Variants in VPS13D observed in about 807,000 individuals in gnomAD.
The protein encoded by VPS13D is vacuolar protein sorting 13 homolog D, also known as intermembrane lipid transfer protein VPS13D.
A neutral mutation model predicts 461.9 loss-of-function variants in VPS13D; 187 were observed. The ratio of observed to expected loss-of-function variants is 0.40; its 90% CI spans 0.36 to 0.46. The LOEUF is 0.46. Among genes scored for constraint, VPS13D ranks in the 20% least tolerant of loss-of-function variants. The pLI, the probability that VPS13D is intolerant of heterozygous loss-of-function variation, is 0.60. For missense variants in VPS13D, 4,711 were observed against 5,364.9 expected, an observed-to-expected ratio of 0.88 and a Z score of 3.81; for synonymous variants, 1,951 against 1,986.3, an observed-to-expected ratio of 0.98 and a Z score of 0.47.
chr1:12,258,937 T>C (rs1641010765), intron 10 of VPS13D, among the ~76,000 whole-genome samples: 1 of 152,228 alleles, frequency 6.6e-6, no homozygotes. Flanking sequence ...TTCACTTTGC[T>C]AATGCTTTTA....
In VPS13D at chr1:12,363,183, C is replaced by T. The variant is rs748513178; in HGVS notation, c.10384C>T (p.Pro3462Ser). The T allele has an allele frequency of 6.8e-6, 11 of 1,614,194 alleles. 1 individual carries two copies. The Middle Eastern group carries it at 1.3e-3, about 194-fold the overall frequency. ...QLLCVRLMDV[P>S]NCIWSGGFEV... is the part of the protein sequence containing the mutation. ...ATTGTGTGTCAGACTGATGGACGTT[C>T]CCAATTGTATTTGGTCTGGAGGCTT... Residue 3462 changes from proline (P) to serine (S), a missense_variant, in exon 52 of 70, where the codon CCC becomes TCC. Pro to Ser is a moderately conservative substitution (Grantham distance 74). Around this residue, in one of 3 missense-constraint regions of VPS13D, gnomAD observed 4,411 missense variants for 4,937.8 expected, o/e 0.89. Coordinates refer to ENST00000620676, the MANE Select transcript of VPS13D (RefSeq NM_015378.4).
chr1:12,260,171 G>A (rs965518327), intron 10 of VPS13D, among the ~76,000 whole-genome samples: 6 of 151,686 alleles, frequency 4.0e-5, no homozygotes, highest in Admixed American at 2.6e-4. Flanking sequence ...GACTACAGGC[G>A]CCTGCCACCA....
In VPS13D at chr1:12,276,476, G is replaced by GTA. The variant is rs756992216; in HGVS notation, c.2890_2891dup (p.Met964IlefsTer26). On this transcript the variant is annotated frameshift_variant, in exon 19 of 70. Coordinates refer to ENST00000620676, the MANE Select transcript of VPS13D (RefSeq NM_015378.4). LOFTEE classifies it high-confidence loss of function. The surrounding 1 kb of genome is among the most constrained non-coding windows in gnomAD (Gnocchi z 4.5). ...CTCCTGGCGGAATTTAAAGTGAACT[G>GTA]TATGCAGCTTGGTGTTGAGAGCAAT... 6.2e-7 allele frequency: 1 copy of GTA among 1,614,190 alleles called. No individual in the cohort carries two copies. The highest frequency in any genetic ancestry group is 8.5e-7 in the Non-Finnish European group (1 of 1,180,046).
At chr1:12,241,835 G>C (rs192196999) in intron 2 of VPS13D, among the ~76,000 whole-genome samples, 2 of 152,202 alleles carry the variant, frequency 1.3e-5, no homozygotes, top group East Asian at 3.9e-4. Flanking sequence ...TCATTTTGGG[G>C]AGGGGTTGGG....
rs575035790 is a variant in VPS13D, at chr1:12,327,699, A to G, written c.8042A>G (p.Lys2681Arg). 2 of 1,613,934 alleles carry G rather than the reference A, an allele frequency of 1.2e-6. No homozygotes were observed. The highest frequency in any genetic ancestry group is 1.7e-6 in the Non-Finnish European group (2 of 1,179,964). Reference sequence around the variant, plus strand: ...TTGTTTAAGAATGCGGAACCTCTGAAGTCTCTTTCCTTGGCCTCCACCAGC... The same window carrying G: ...TTGTTTAAGAATGCGGAACCTCTGAGGTCTCTTTCCTTGGCCTCCACCAGC... Reference protein sequence around the residue: ...SWLFKNAEPLKSLSLASTSRD... With the variant: ...SWLFKNAEPLRSLSLASTSRD... The change falls in exon 36 of 70, where the codon AAG becomes AGG. Residue 2681 changes from lysine (K) to arginine (R), a missense_variant. Physicochemically the swap from Lys to Arg is conservative, Grantham distance 26 (BLOSUM62 2). Transcript: ENST00000620676.
rs926896768 is a variant in VPS13D at position 12,449,995 on chromosome 1, C to T, written c.12334-6003C>T. ...CAAAAATTAGCCAGGCGTGGTGGCACACAACTGTAATCCCTGCTACGGGAG... is the reference window on the plus strand; with the variant it reads ...CAAAAATTAGCCAGGCGTGGTGGCATACAACTGTAATCCCTGCTACGGGAG... On this transcript the variant is annotated intron_variant, in intron 65 of 69. Coordinates refer to ENST00000620676, the MANE Select transcript of VPS13D (RefSeq NM_015378.4). 4.6e-5 allele frequency among the ~76,000 whole-genome samples: 7 copies of T among 152,126 alleles called. No homozygotes were observed. In the South Asian group the frequency reaches 6.2e-4, roughly 14 times the overall value.
At position 12,368,236 on chromosome 1, in the gene VPS13D, A is replaced by G. The variant is rs370344455; in HGVS notation, c.10449-232A>G. ...CATCCATCCTCTTCTTTACAGCAGA[A>G]TATCAGCGTATAAATGTTGAGGAAA... On this transcript the variant is annotated intron_variant, in intron 52 of 69. Transcript: ENST00000620676. Among the ~76,000 whole-genome samples, 40 of 152,348 alleles carry G rather than the reference A, an allele frequency of 2.6e-4. 3 individuals are homozygous for G. Among genetic ancestry groups the G allele is most frequent in the Admixed American group, 2.1e-3 (32 of 15,304 alleles).
intron 30 of VPS13D, among the ~76,000 whole-genome samples, chr1:12,317,045 A>T (rs555111538): frequency 1.5e-5 from 2 of 129,832 alleles, no homozygotes; most frequent in Admixed American, 1.0e-4. Context: ...GGGGACATTT[A>T]TCCCTGGTAA....
intron 65 of VPS13D, among the ~76,000 whole-genome samples, chr1:12,444,442 G>A (rs1018340247): frequency 7.9e-5 from 12 of 152,070 alleles, no homozygotes; most frequent in African/African-American, 2.9e-4. Context: ...CTCTTGGCCA[G>A]CGTCACTTTA....
chr1:12,278,049 T>C lies in VPS13D; in HGVS notation c.4450+11T>C, dbSNP rs1557681906. 6.3e-7 allele frequency: 1 copy of C among 1,597,740 alleles called. No individual in the cohort carries two copies. The highest frequency in any genetic ancestry group is 1.8e-5 in the Admixed American group (1 of 56,884). On this transcript the variant is annotated intron_variant, in intron 19 of 69. Transcript: ENST00000620676. Reference sequence around the variant, plus strand: ...TGCATAGAGGTCAAGGTGAGGAGCATCAGTCTTTTGTTCTATTTTGTTTAA... The same window carrying C: ...TGCATAGAGGTCAAGGTGAGGAGCACCAGTCTTTTGTTCTATTTTGTTTAA...
chr1:12,443,772 AT>A (rs1238805531), intron 65 of VPS13D, among the ~76,000 whole-genome samples: 1 of 149,444 alleles, frequency 6.7e-6, no homozygotes, highest in Non-Finnish European at 1.5e-5. Flanking sequence ...CCATACCTCC[AT>A]CTGGGCCCTT....
At chr1:12,282,678 A>G (rs1641821159) in intron 20 of VPS13D, 27 bp from the exon 21 acceptor site, 1 of 1,568,552 alleles carries the variant, frequency 6.4e-7, no homozygotes, top group Non-Finnish European at 8.7e-7. Context: ...TAATAAGAGT[A>G]ACTGAATTTT....
rs192405729 is a variant in VPS13D at position 12,412,013 on chromosome 1, G to A, written c.12031-3074G>A. On this transcript the variant is annotated intron_variant, in intron 63 of 69. Transcript: ENST00000620676. ...AATCACAAGGCTAGTGAAGATTCAG[G>A]TGGAGGGAACATAGACTTCACCACT... is the stretch of plus-strand genomic sequence containing the variant. Among the ~76,000 whole-genome samples, 725 of 152,328 alleles carry A rather than the reference G, an allele frequency of 4.8e-3. 6 individuals carry two copies. Among genetic ancestry groups the A allele is most frequent in the African/African-American group, 0.016 (681 of 41,564 alleles).
chr1:12,327,740 G>C lies in VPS13D; in HGVS notation c.8083G>C (p.Ala2695Pro). 1.2e-6 allele frequency: 2 copies of C among 1,614,170 alleles called. No homozygotes were observed. The highest frequency in any genetic ancestry group is 1.7e-6 in the Non-Finnish European group (2 of 1,180,022). ...CTCCACCAGCCGAGATAGCCCAGGG[G>C]CTGTGGCAGCGCCATTGATCTCTGG... ...LASTSRDSPG[A>P]VAAPLISGVE... Residue 2695 changes from alanine (A) to proline (P), a missense_variant, in exon 36 of 70, where the codon GCT becomes CCT. Physicochemically the swap from Ala to Pro is conservative, Grantham distance 27. Coordinates refer to ENST00000620676, the MANE Select transcript of VPS13D (RefSeq NM_015378.4).
intron 63 of VPS13D, among the ~76,000 whole-genome samples, chr1:12,406,180 A>G (rs576365332): frequency 6.6e-6 from 1 of 152,310 alleles, no homozygotes; most frequent in East Asian, 1.9e-4. Flanking sequence ...AATTGGGACT[A>G]AAGAGTTAAA....
At chr1:12,506,281 C>T (rs921013339) in intron 68 of VPS13D, among the ~76,000 whole-genome samples, 2 of 152,224 alleles carry the variant, frequency 1.3e-5, no homozygotes, top group African/African-American at 2.4e-5. Context: ...GAAGTAACAA[C>T]TAGAAGTTTC....
At chr1:12,497,296 A>C in intron 67 of VPS13D, 1 of 457,250 alleles carries the variant, frequency 2.2e-6, no homozygotes, top group Non-Finnish European at 3.6e-6. Context: ...ATGGCCAGAA[A>C]ATGGTAGAGG....
chr1:12,355,999 G>T lies in VPS13D; in HGVS notation c.9780G>T (p.Arg3260=). Residue 3260 remains arginine, a synonymous_variant, in exon 48 of 70, where the codon CGG becomes CGT. Coordinates refer to ENST00000620676, the MANE Select transcript of VPS13D (RefSeq NM_015378.4). ...VRMRLYDVNR[R]QLNLTIRIVC... Reference sequence around the variant, plus strand: ...TGCGACTCTATGACGTCAACCGTCGGCAGCTGAACCTCACCATCCGGATTG... The same window carrying T: ...TGCGACTCTATGACGTCAACCGTCGTCAGCTGAACCTCACCATCCGGATTG... 1 of 1,614,104 alleles carries T rather than the reference G, an allele frequency of 6.2e-7. No homozygotes were observed.
At chr1:12,496,856 G>GCCAGGTCCAGGTCCAGGTCCAGGT (rs544192024) in intron 67 of VPS13D, among the ~76,000 whole-genome samples, 2 of 152,024 alleles carry the variant, frequency 1.3e-5, no homozygotes, top group East Asian at 3.8e-4. Flanking sequence ...TGTGGCCTGG[G>GCCAGGTCCAGGTCCAGGTCCAGGT]CCAGGTCCAG....
Sources: gnomAD v4.1 joint callset for allele counts (sites outside exome capture counted in the v4.1 genomes callset) on GRCh38, gnomAD v4.1.1 for gene constraint, gnomAD v4.1.1 regional missense constraint, Gnocchi (gnomAD v3.1) non-coding constraint, MANE v1.5 for transcripts, NCBI Gene and HGNC (gene_info 2026-07-23, HGNC 2026-07-21) for gene names.